LAMA2: variants seen among roughly 807,000 people sequenced by gnomAD.
The protein encoded by LAMA2 is laminin subunit alpha-2.
A neutral mutation model predicts 364.8 loss-of-function variants in LAMA2; 269 were observed. The ratio of observed to expected loss-of-function variants is 0.74; its 90% CI spans 0.67 to 0.82. The LOEUF (loss-of-function observed/expected upper bound fraction) is 0.82, where lower values mean the gene tolerates loss of function less well. Among genes scored for constraint, LAMA2 ranks in the 40% least tolerant of loss-of-function variants. The pLI, the probability that LAMA2 is intolerant of heterozygous loss-of-function variation, is 0.00. For synonymous variants in LAMA2, 1,379 were observed against 1,370.6 expected, an observed-to-expected ratio of 1.01 and a Z score of -0.14; for missense variants, 3,807 against 3,873.2, an observed-to-expected ratio of 0.98 and a Z score of 0.45.
At chr6:128,985,815 A>G (rs1209936622) in intron 1 of LAMA2, among the ~76,000 whole-genome samples, 1 of 152,302 alleles carries the variant, frequency 6.6e-6, no homozygotes, top group East Asian at 1.9e-4. Context: ...TCTTTTTAAA[A>G]TCATAATCTC....
chr6:129,158,754 C>G, intron 8 of LAMA2: 1 of 1,614,194 alleles, frequency 6.2e-7, no homozygotes, highest in Non-Finnish European at 8.5e-7. Context: ...CGACAACATT[C>G]TATTGTCCGG....
At chr6:128,961,858 G>A (rs1299975340) in intron 1 of LAMA2, among the ~76,000 whole-genome samples, 2 of 151,856 alleles carry the variant, frequency 1.3e-5, no homozygotes, top group Non-Finnish European at 2.9e-5. Context: ...GGATAGTAAC[G>A]AGGTTTATAG....
intron 13 of LAMA2, 36 bp from the exon 14 acceptor site, chr6:129,252,048 T>G: frequency 6.9e-7 from 1 of 1,446,514 alleles, no homozygotes; most frequent in Non-Finnish European, 9.7e-7. Context: ...TCTTTTCAGT[T>G]TTACTCTTTT....
rs186351777 is a variant in LAMA2 at position 129,370,618 on chromosome 6, C to T, written c.4959+628C>T. Among the ~76,000 whole-genome samples, 479 of 152,282 alleles carry T rather than the reference C, an allele frequency of 3.1e-3. 4 individuals are homozygous for T. The highest frequency in any genetic ancestry group is 0.011 in the African/African-American group (465 of 41,554). On this transcript the variant is annotated intron_variant, in intron 34 of 64. Transcript: ENST00000421865. ...CCGCCATCTTGTGGCCAGAAATATG[C>T]ATGAAGCTAGAAACGGGGCTGCAAA...
chr6:128,894,577 C>G lies in LAMA2; in HGVS notation c.112+11220C>G, dbSNP rs542723377. Among the ~76,000 whole-genome samples, 5 of 152,246 alleles carry G rather than the reference C, an allele frequency of 3.3e-5. No homozygotes were observed. The East Asian group carries it at 5.8e-4, about 18-fold the overall frequency. On this transcript the variant is annotated intron_variant, in intron 1 of 64. Coordinates refer to ENST00000421865, the MANE Select transcript of LAMA2 (RefSeq NM_000426.4). The stretch of plus-strand genomic sequence containing the variant: ...TCCACGAAAAAAGTGGCTAGTTTAG[C>G]TTGCAGCTGAAAACAACTGTACAAA...
At chr6:129,251,076 C>CTCTATATATATA (rs1491468271) in intron 13 of LAMA2, among the ~76,000 whole-genome samples, 1 of 49,794 alleles carries the variant, frequency 2.0e-5, no homozygotes, top group African/African-American at 8.2e-5. Flanking sequence ...CTCTCTCTCT[C>CTCTATATATATA]TATATATATA....
At chr6:129,337,999 T>A (rs374777113) in intron 29 of LAMA2, among the ~76,000 whole-genome samples, 1 of 152,186 alleles carries the variant, frequency 6.6e-6, no homozygotes. Flanking sequence ...AACCAGGACA[T>A]TTGATTCAAT....
chr6:129,516,135 T>TAATA lies in LAMA2; in HGVS notation c.9212-54_9212-51dup. On this transcript the variant is annotated intron_variant, in intron 64 of 64. Coordinates refer to ENST00000421865, the MANE Select transcript of LAMA2 (RefSeq NM_000426.4). ...AACAGTTGACTTTGAAACATGCTCT[T>TAATA]AATATTTGGTGCAGGACATTTCAAA... 1.9e-6 allele frequency: 3 copies of TAATA among 1,582,808 alleles called. No homozygotes were observed. The Middle Eastern group carries it at 5.0e-4, about 264-fold the overall frequency.
rs1343464795 is a variant in LAMA2, at chr6:129,456,372, G to A, written c.6745G>A (p.Asp2249Asn). ...TGGAACTATTTCTGTGAGAGCCCTG[G>A]ATGGACCCAAAGCCAGCATTGTGCC... is the stretch of plus-strand genomic sequence containing the variant. Reference protein sequence around the residue: ...RNGTISVRALDGPKASIVPST... With the variant: ...RNGTISVRALNGPKASIVPST... The change falls in exon 48 of 65, where the codon GAT becomes AAT. Residue 2249 changes from aspartate (D) to asparagine (N), a missense_variant. Around this residue, in one of 3 missense-constraint regions of LAMA2, gnomAD observed 3,333 missense variants for 3,345.7 expected, o/e 1.00. Transcript: ENST00000421865. The A allele has an allele frequency of 1.2e-6, 2 of 1,613,616 alleles. No individual in the cohort carries two copies. The highest frequency in any genetic ancestry group is 1.7e-5 in the Admixed American group (1 of 59,966).
intron 12 of LAMA2, among the ~76,000 whole-genome samples, chr6:129,225,894 C>T: frequency 6.6e-6 from 1 of 152,036 alleles, no homozygotes; most frequent in Middle Eastern, 3.4e-3. Context: ...ATCCTTGTTA[C>T]CTTTCTGTCT....
chr6:128,897,498 C>T (rs934444752), intron 1 of LAMA2, among the ~76,000 whole-genome samples: 5 of 151,894 alleles, frequency 3.3e-5, no homozygotes, highest in Non-Finnish European at 5.9e-5. Context: ...AGTGTTAAAC[C>T]AAAAATAATC....
intron 1 of LAMA2, among the ~76,000 whole-genome samples, chr6:129,043,510 C>A (rs957665536): frequency 2.6e-5 from 4 of 151,370 alleles, no homozygotes; most frequent in African/African-American, 9.7e-5. Context: ...GTTACCATTT[C>A]TTTTTTGCTA....
chr6:129,318,800 T>A (rs1774774771), intron 27 of LAMA2, among the ~76,000 whole-genome samples: 1 of 152,234 alleles, frequency 6.6e-6, no homozygotes, highest in African/African-American at 2.4e-5. Flanking sequence ...TCAGTTTCAA[T>A]AAAACCTACC....
At chr6:129,292,654 T>A in intron 20 of LAMA2, 1 of 256,344 alleles carries the variant, frequency 3.9e-6, no homozygotes, top group Non-Finnish European at 6.1e-6. Context: ...ATTGTATTTG[T>A]GATAAAGACA....
chr6:129,229,291 T>A (rs1784522159), intron 12 of LAMA2, among the ~76,000 whole-genome samples: 2 of 152,092 alleles, frequency 1.3e-5, no homozygotes, highest in Admixed American at 1.3e-4. Context: ...AGGTCAGAGA[T>A]CTGAAGGTGA....
intron 37 of LAMA2, among the ~76,000 whole-genome samples, chr6:129,399,029 A>G (rs944379341): frequency 6.6e-6 from 1 of 152,188 alleles, no homozygotes; most frequent in African/African-American, 2.4e-5. Context: ...TTCATTAACA[A>G]TGTGTAGTTC....
chr6:129,467,619 A>G (rs1305813446), intron 51 of LAMA2, among the ~76,000 whole-genome samples: 6 of 151,912 alleles, frequency 3.9e-5, no homozygotes, highest in Non-Finnish European at 7.4e-5. Flanking sequence ...GGTATAACAA[A>G]CAGGGATAAA....
intron 1 of LAMA2, among the ~76,000 whole-genome samples, chr6:128,928,835 A>C (rs1779260212): frequency 6.6e-6 from 1 of 152,226 alleles, no homozygotes. Context: ...GCTTCTTTGT[A>C]TACACTGTTC....
chr6:129,453,712 T>C (rs1436799136), intron 46 of LAMA2, among the ~76,000 whole-genome samples: 1 of 152,178 alleles, frequency 6.6e-6, no homozygotes, highest in Non-Finnish European at 1.5e-5. Flanking sequence ...AAATCATTCA[T>C]GGCATAAGTC....
Sources: allele counts gnomAD v4.1 joint callset (sites outside exome capture counted in the v4.1 genomes callset), GRCh38; gene constraint gnomAD v4.1.1; regional missense constraint gnomAD v4.1.1; transcripts MANE v1.5; gene names NCBI Gene and HGNC (gene_info 2026-07-23, HGNC 2026-07-21).